Variants in ADAMTS6 observed in about 807,000 individuals in gnomAD.
The protein encoded by ADAMTS6 is ADAM metallopeptidase with thrombospondin type 1 motif 6, also known as A disintegrin and metalloproteinase with thrombospondin motifs 6.
In ADAMTS6, 23 loss-of-function variants were observed where a neutral mutation model predicts 144.3. The observed-to-expected ratio is 0.16, with a 90% CI of 0.11 to 0.23. The LOEUF (loss-of-function observed/expected upper bound fraction) is 0.23, where lower values mean the gene tolerates loss of function less well. Among genes scored for constraint, ADAMTS6 ranks in the 10% least tolerant of loss-of-function variants. The probability of loss-of-function intolerance (pLI) is 1.00; values close to 1 mark genes in which losing one functional copy is unlikely to be tolerated. For synonymous variants in ADAMTS6, 444 were observed against 457.5 expected, an observed-to-expected ratio of 0.97 and a Z score of 0.38; for missense variants, 999 against 1,379.6, an observed-to-expected ratio of 0.72 and a Z score of 4.37.
intron 7 of ADAMTS6, among the ~76,000 whole-genome samples, chr5:65,407,424 G>A (rs1331097287): frequency 6.6e-6 from 1 of 151,314 alleles, no homozygotes; most frequent in African/African-American, 2.4e-5. Flanking sequence ...TGCCATGTTG[G>A]TGTGCTGCAC....
intron 24 of ADAMTS6, among the ~76,000 whole-genome samples, chr5:65,157,200 T>G (rs1215871923): frequency 6.6e-6 from 1 of 152,252 alleles, no homozygotes; most frequent in East Asian, 1.9e-4. Flanking sequence ...ATGATAAAAT[T>G]AGACAACCTG....
At chr5:65,191,118 C>T (rs528172721) in intron 21 of ADAMTS6, among the ~76,000 whole-genome samples, 2 of 152,226 alleles carry the variant, frequency 1.3e-5, no homozygotes, top group African/African-American at 4.8e-5. Context: ...AATTCTGGGG[C>T]TGTTTCTTTC....
chr5:65,162,939 T>A (rs2079186470), intron 24 of ADAMTS6, among the ~76,000 whole-genome samples: 1 of 152,186 alleles, frequency 6.6e-6, no homozygotes, highest in Non-Finnish European at 1.5e-5. Flanking sequence ...AGACAGAGTC[T>A]CAGTCTGTTG....
intron 7 of ADAMTS6, among the ~76,000 whole-genome samples, chr5:65,402,110 C>T (rs1421351398): frequency 2.6e-5 from 4 of 152,138 alleles, no homozygotes; most frequent in East Asian, 1.9e-4. Flanking sequence ...TCTCTACCAT[C>T]GCTCATCTTC....
At chr5:65,478,346 T>C (rs1422772402) in intron 1 of ADAMTS6, among the ~76,000 whole-genome samples, 2 of 151,806 alleles carry the variant, frequency 1.3e-5, no homozygotes, top group African/African-American at 2.4e-5. Flanking sequence ...CAAACAGTTG[T>C]CCAAAAATCA....
chr5:65,234,556 A>G (rs995001986), intron 15 of ADAMTS6, among the ~76,000 whole-genome samples: 1 of 152,128 alleles, frequency 6.6e-6, no homozygotes, highest in Non-Finnish European at 1.5e-5. Flanking sequence ...ACCATGAGAT[A>G]TTACCTCACA....
intron 7 of ADAMTS6, among the ~76,000 whole-genome samples, chr5:65,427,078 A>G (rs893928364): frequency 5.9e-5 from 9 of 152,182 alleles, no homozygotes; most frequent in African/African-American, 2.2e-4. Context: ...GATAAATAAT[A>G]GAAAAGGGTT....
chr5:65,391,419 TACAC>T (rs34581260), intron 7 of ADAMTS6, among the ~76,000 whole-genome samples: 14,905 of 148,618 alleles, frequency 0.1, 1,373 homozygotes, highest in African/African-American at 0.25. Flanking sequence ...TGTGTCTCTC[TACAC>T]ACACACACAC....
At chr5:65,460,382 T>C (rs1759558166) in intron 3 of ADAMTS6, 44 bp from the exon 4 acceptor site, 4 of 1,508,384 alleles carry the variant, frequency 2.7e-6, no homozygotes, top group Middle Eastern at 2.1e-4. Context: ...AGAATCATTT[T>C]AAATATTAGT....
chr5:65,433,367 G>A (rs1757141965), intron 7 of ADAMTS6, among the ~76,000 whole-genome samples: 1 of 152,064 alleles, frequency 6.6e-6, no homozygotes, highest in African/African-American at 2.4e-5. Flanking sequence ...AAAGAGCTTT[G>A]GTGTTCAGCC....
intron 7 of ADAMTS6, among the ~76,000 whole-genome samples, chr5:65,377,068 C>T (rs55646354): frequency 0.12 from 18,907 of 151,936 alleles, 1,304 homozygotes; most frequent in African/African-American, 0.18. Context: ...AGAGGGAACA[C>T]TTTCTGGAAT....
intron 24 of ADAMTS6, among the ~76,000 whole-genome samples, chr5:65,167,346 C>G: frequency 6.6e-6 from 1 of 152,118 alleles, no homozygotes; most frequent in Non-Finnish European, 1.5e-5. Flanking sequence ...GAAGTTGAAT[C>G]TCTGAATAGA....
chr5:65,215,047 A>G lies in ADAMTS6; in HGVS notation c.2437-115T>C, dbSNP rs1295035204. 4 of 1,319,310 alleles carry G rather than the reference A, an allele frequency of 3.0e-6. No homozygotes were observed. The African/African-American group carries it at 4.5e-5, about 15-fold the overall frequency. 81.7% of individuals were successfully genotyped at this position (1,319,310 alleles called of 1,614,324 possible). On this transcript the variant is annotated intron_variant, in intron 19 of 24. Transcript: ENST00000381055. ...AAACAAGTCTTACAGGAAACTTAAT[A>G]TAAAACACATGCATTTATATCAAAT...
chr5:65,394,030 A>T (rs1753133297), intron 7 of ADAMTS6, among the ~76,000 whole-genome samples: 1 of 151,746 alleles, frequency 6.6e-6, no homozygotes, highest in South Asian at 2.1e-4. Flanking sequence ...CATGTGGCAA[A>T]TTTTTTTTTC....
In ADAMTS6 at chr5:65,160,352, G is replaced by C. The variant is rs537640598; in HGVS notation, c.3245-8407C>G. Among the ~76,000 whole-genome samples, 146 of 151,306 alleles carry C rather than the reference G, an allele frequency of 9.6e-4. 1 individual carries two copies. Among genetic ancestry groups the C allele is most frequent in the South Asian group, 2.3e-3 (11 of 4,760 alleles). ...AGAGGAGTCTCGCTCTGTCGCCCAG[G>C]CTGGAGTGCAGTGGCGCAATCTCGG... On this transcript the variant is annotated intron_variant, in intron 24 of 24. Coordinates refer to ENST00000381055, the MANE Select transcript of ADAMTS6 (RefSeq NM_197941.4).
intron 7 of ADAMTS6, among the ~76,000 whole-genome samples, chr5:65,355,964 T>C (rs1406709347): frequency 6.6e-6 from 1 of 151,868 alleles, no homozygotes; most frequent in Non-Finnish European, 1.5e-5. Context: ...TCCCCTAATT[T>C]TATTGTTTCA....
chr5:65,303,658 C>A (rs773688666), intron 9 of ADAMTS6, among the ~76,000 whole-genome samples: 2 of 151,474 alleles, frequency 1.3e-5, no homozygotes, highest in Non-Finnish European at 2.9e-5. Flanking sequence ...CATAAAATAT[C>A]TTTTAAAATA....
At chr5:65,424,488 T>G (rs1008373950) in intron 7 of ADAMTS6, among the ~76,000 whole-genome samples, 2 of 152,228 alleles carry the variant, frequency 1.3e-5, no homozygotes, top group African/African-American at 4.8e-5. Flanking sequence ...TCTCTTGATC[T>G]TACTACATCA....
chr5:65,330,024 T>A (rs1746569223), intron 8 of ADAMTS6, among the ~76,000 whole-genome samples: 1 of 152,100 alleles, frequency 6.6e-6, no homozygotes, highest in Non-Finnish European at 1.5e-5. Context: ...TTTTTGCATT[T>A]TTTTTAATCT....
Sources: allele counts gnomAD v4.1 joint callset (sites outside exome capture counted in the v4.1 genomes callset), GRCh38; gene constraint gnomAD v4.1.1; transcripts MANE v1.5; gene names NCBI Gene and HGNC (gene_info 2026-07-23, HGNC 2026-07-21).